GALNT15: variants seen among roughly 807,000 people sequenced by gnomAD.
The protein encoded by GALNT15 is polypeptide N-acetylgalactosaminyltransferase 15.
GALNT15 carries 67 observed loss-of-function variants against 66.8 expected under a neutral mutation model. The observed-to-expected ratio is 1.00, with a 90% confidence interval of 0.82 to 1.23. The LOEUF is 1.23. Among genes scored for constraint, GALNT15 ranks in the 50% most tolerant of loss-of-function variants. The pLI, the probability that GALNT15 is intolerant of heterozygous loss-of-function variation, is 0.00. For synonymous variants in GALNT15, 313 were observed against 311.5 expected (o/e 1.00, Z -0.05); for missense variants, 827 against 804.3 (o/e 1.03, Z -0.34).
intron 2 of GALNT15, among the ~76,000 whole-genome samples, chr3:16,196,445 G>GCAGCGGAGTCAGCCAAAAT (rs2063638808): frequency 6.6e-6 from 1 of 152,154 alleles, no homozygotes; most frequent in Admixed American, 6.5e-5. Context: ...TCAGCCAAAA[G>GCAGCGGAGTCAGCCAAAAT]CAGCAGAGTC....
the GALNT15 span, among the ~76,000 whole-genome samples, chr3:16,241,264 A>G: frequency 6.6e-6 from 1 of 152,210 alleles, no homozygotes; most frequent in African/African-American, 2.4e-5. This position sits in a 1 kb window ranked among gnomAD's most constrained non-coding sequence, Gnocchi z 4.6. Flanking sequence ...CACGTAATAC[A>G]TGCTTGTTGA....
chr3:16,245,290 C>T, the GALNT15 span, among the ~76,000 whole-genome samples: 22,483 of 152,210 alleles, frequency 0.15, 1,830 homozygotes, highest in African/African-American at 0.19. Flanking sequence ...CCCTCATGAA[C>T]CACCTGCATC....
downstream of GALNT15, chr3:16,232,097 A>C: frequency 1.3e-6 from 1 of 771,612 alleles, no homozygotes; most frequent in Non-Finnish European, 1.9e-6. Context: ...ATTCTCCAAA[A>C]CTCTCCAAAA....
At chr3:16,220,485 ATTC>A (rs2063931440) in intron 8 of GALNT15, among the ~76,000 whole-genome samples, 1 of 152,142 alleles carries the variant, frequency 6.6e-6, no homozygotes, top group Admixed American at 6.5e-5. Context: ...CTTAGGAGTA[ATTC>A]TTCTCTTCAA....
chr3:16,195,918 G>T lies in GALNT15; in HGVS notation c.698G>T (p.Ser233Ile). 6.2e-7 allele frequency: 1 copy of T among 1,614,072 alleles called. No homozygotes were observed. Among genetic ancestry groups the T allele is most frequent in the South Asian group, 1.1e-5 (1 of 91,068 alleles). ...LKEIILVDDL[S>I]QQGQLKSALS... ...GAGATCATCCTCGTGGACGACCTCA[G>T]CCAGCAAGGTAGCCACGGCTTTCCT... Residue 233 changes from serine (S) to isoleucine (I), a missense_variant, in exon 2 of 10, where the codon AGC (serine) becomes ATC (isoleucine). Transcript: ENST00000339732. The surrounding 1 kb of genome is among the most constrained non-coding windows in gnomAD (Gnocchi z 4.6).
rs1261229234 is a variant in GALNT15 at position 16,193,943 on chromosome 3, C to T, written c.540-1817C>T. 6.6e-6 allele frequency among the ~76,000 whole-genome samples: 1 copy of T among 152,182 alleles called. No homozygotes were observed. The highest frequency in any genetic ancestry group is 1.5e-5 in the Non-Finnish European group (1 of 68,042). On this transcript the variant is annotated intron_variant, in intron 1 of 9. Coordinates refer to ENST00000339732, the MANE Select transcript of GALNT15 (RefSeq NM_054110.5). This position sits in a 1 kb window ranked among gnomAD's most constrained non-coding sequence, Gnocchi z 4.7. ...TATCAGGTTGTTATAATTCACTCCACCCTGGACCCACTGATTCTCAACAGA... is the reference window on the plus strand; with the variant it reads ...TATCAGGTTGTTATAATTCACTCCATCCTGGACCCACTGATTCTCAACAGA...
intron 8 of GALNT15, among the ~76,000 whole-genome samples, chr3:16,220,490 T>C (rs1377980036): frequency 6.6e-6 from 1 of 152,160 alleles, no homozygotes; most frequent in Admixed American, 6.5e-5. Context: ...GAGTAATTCT[T>C]CTCTTCAAAA....
chr3:16,197,195 CG>C (rs992053063), intron 2 of GALNT15, among the ~76,000 whole-genome samples: 13 of 152,186 alleles, frequency 8.5e-5, no homozygotes, highest in African/African-American at 2.9e-4. Context: ...CTGTGCCCCT[CG>C]GGAGTACGGA....
At chr3:16,246,274 G>C in the GALNT15 span, among the ~76,000 whole-genome samples, 1 of 151,452 alleles carries the variant, frequency 6.6e-6, no homozygotes, top group Admixed American at 6.6e-5. Context: ...ACTGTCCTAA[G>C]GGTCACTGTG....
chr3:16,206,660 G>A (rs1181267431), intron 3 of GALNT15, among the ~76,000 whole-genome samples: 12 of 122,126 alleles, frequency 9.8e-5, no homozygotes, highest in Non-Finnish European at 1.6e-4. Context: ...ATAACAAAGC[G>A]AGACTCTGTC....
chr3:16,190,429 G>C (rs1421800982), intron 1 of GALNT15, among the ~76,000 whole-genome samples: 1 of 152,120 alleles, frequency 6.6e-6, no homozygotes, highest in Non-Finnish European at 1.5e-5. Context: ...ACGAGGTCAG[G>C]AGATCGAGAC....
chr3:16,189,306 A>G lies in GALNT15; in HGVS notation c.540-6454A>G, dbSNP rs1270095823. Among the ~76,000 whole-genome samples, 1 of 152,224 alleles carries G rather than the reference A, an allele frequency of 6.6e-6. No homozygotes were observed. The highest frequency in any genetic ancestry group is 1.5e-5 in the Non-Finnish European group (1 of 68,030). On this transcript the variant is annotated intron_variant, in intron 1 of 9. Coordinates refer to ENST00000339732, the MANE Select transcript of GALNT15 (RefSeq NM_054110.5). The surrounding 1 kb of genome is among the most constrained non-coding windows in gnomAD (Gnocchi z 5.1). ...AGCACCACCATGTTGCATAACTCCA[A>G]GAGACACCAGTGCATGGTGATCTCT... is the stretch of plus-strand genomic sequence containing the variant.
intron 2 of GALNT15, among the ~76,000 whole-genome samples, chr3:16,198,953 A>G (rs778085005): frequency 7.0e-6 from 1 of 142,000 alleles, no homozygotes; most frequent in African/African-American, 2.6e-5. Flanking sequence ...CTGGGGGGGA[A>G]ATTCTTGCTT....
rs550344793 is a variant in GALNT15 at position 16,183,801 on chromosome 3, G to A, written c.539+8111G>A. On this transcript the variant is annotated intron_variant, in intron 1 of 9. Transcript: ENST00000339732. This position sits in a 1 kb window ranked among gnomAD's most constrained non-coding sequence, Gnocchi z 5.2. The stretch of plus-strand genomic sequence containing the variant: ...CAGGCAAGGGGAGGGAGGGAAGAGC[G>A]TCAGTACTACAGCCAGGCCATCTGG... 7.2e-5 allele frequency among the ~76,000 whole-genome samples: 11 copies of A among 152,296 alleles called. No homozygotes were observed. The highest frequency in any genetic ancestry group is 1.9e-4 in the East Asian group (1 of 5,190).
chr3:16,196,718 C>A (rs984495228), intron 2 of GALNT15, among the ~76,000 whole-genome samples: 1 of 152,174 alleles, frequency 6.6e-6, no homozygotes, highest in African/African-American at 2.4e-5. Flanking sequence ...GATGCTGATG[C>A]TGCTGTTTTC....
rs1160292263 is a variant in GALNT15, at chr3:16,225,013, C to T, written c.1773+2255C>T. Among the ~76,000 whole-genome samples the T allele has an allele frequency of 6.6e-6, 1 of 152,134 alleles. No homozygotes were observed. The highest frequency in any genetic ancestry group is 1.5e-5 in the Non-Finnish European group (1 of 68,042). On this transcript the variant is annotated intron_variant, in intron 9 of 9. Coordinates refer to ENST00000339732, the MANE Select transcript of GALNT15 (RefSeq NM_054110.5). This position sits in a 1 kb window ranked among gnomAD's most constrained non-coding sequence, Gnocchi z 4.4. Reference sequence around the variant, plus strand: ...TATAAGAAAAAAGGTGTAATTGGCTCATGGTTCTGCAGGCTGTATAGGAAG... The same window carrying T: ...TATAAGAAAAAAGGTGTAATTGGCTTATGGTTCTGCAGGCTGTATAGGAAG...
Position 16,219,551 on chromosome 3 carries a change from G to A in GALNT15, c.1524+17G>A. On this transcript the variant is annotated intron_variant, in intron 7 of 9. Coordinates refer to ENST00000339732, the MANE Select transcript of GALNT15 (RefSeq NM_054110.5). This position sits in a 1 kb window ranked among gnomAD's most constrained non-coding sequence, Gnocchi z 4.3. Reference sequence around the variant, plus strand: ...TCTGGAAAGGCAAGGCATGACCCAGGGAAGATGGGGAGGGACAGGGAAGCT... The same window carrying A: ...TCTGGAAAGGCAAGGCATGACCCAGAGAAGATGGGGAGGGACAGGGAAGCT... The A allele has an allele frequency of 6.2e-7, 1 of 1,612,772 alleles. No homozygotes were observed. The highest frequency in any genetic ancestry group is 8.5e-7 in the Non-Finnish European group (1 of 1,179,598).
At position 16,219,825 on chromosome 3, in the gene GALNT15, G is replaced by T. The variant is rs942795211; in HGVS notation, c.1525-85G>T. On this transcript the variant is annotated intron_variant, in intron 7 of 9. Transcript: ENST00000339732. This position sits in a 1 kb window ranked among gnomAD's most constrained non-coding sequence, Gnocchi z 4.3. ...AATGTGCCTTGGGCTGCACTCCAGA[G>T]AATACAGCAAAGGAATGGTGTCTGA... 1.7e-6 allele frequency: 2 copies of T among 1,175,056 alleles called. No homozygotes were observed. The highest frequency in any genetic ancestry group is 3.0e-5 in the African/African-American group (2 of 66,446). 72.8% of individuals were successfully genotyped at this position (1,175,056 alleles called of 1,614,324 possible). A position where few individuals can be genotyped will look rare whatever the true frequency, so the allele number is the denominator to read the frequency against.
Position 16,200,873 on chromosome 3 carries a change from A to G in GALNT15, c.911+50A>G, listed in dbSNP as rs755085307. ...AGCAAGACATGGAACTGGGAGAAAC[A>G]GTCTACAGCATCAGCCACTCACAGA... On this transcript the variant is annotated intron_variant, in intron 3 of 9. Coordinates refer to ENST00000339732, the MANE Select transcript of GALNT15 (RefSeq NM_054110.5). This position sits in a 1 kb window ranked among gnomAD's most constrained non-coding sequence, Gnocchi z 4.4. The G allele has an allele frequency of 6.9e-7, 1 of 1,440,292 alleles. No homozygotes were observed. Among genetic ancestry groups the G allele is most frequent in the South Asian group, 1.3e-5 (1 of 75,240 alleles). 89.2% of individuals were successfully genotyped at this position (1,440,292 alleles called of 1,614,324 possible).
Sources: allele counts gnomAD v4.1 joint callset (sites outside exome capture counted in the v4.1 genomes callset), GRCh38; gene constraint gnomAD v4.1.1; non-coding constraint Gnocchi (gnomAD v3.1); transcripts MANE v1.5; gene names NCBI Gene and HGNC (gene_info 2026-07-23, HGNC 2026-07-21).